NRXN3: variants seen among roughly 807,000 people sequenced by gnomAD.
The protein encoded by NRXN3 is neurexin 3.
In NRXN3, 32 loss-of-function variants were observed where a neutral mutation model predicts 137.6. The ratio of observed to expected loss-of-function variants is 0.23; its 90% confidence interval spans 0.18 to 0.31. The LOEUF (loss-of-function observed/expected upper bound fraction) is 0.31. NRXN3 is among the 10% of genes least tolerant of loss of function. NRXN3 has a pLI of 1.00. For missense variants in NRXN3, 1,574 were observed against 2,062.5 expected (o/e 0.76, Z 4.59); for synonymous variants, 798 against 784.5 (o/e 1.02, Z -0.29).
chr14:79,753,464 G>A (rs751382781), intron 19 of NRXN3, among the ~76,000 whole-genome samples: 7 of 150,208 alleles, frequency 4.7e-5, no homozygotes, highest in South Asian at 2.1e-4. Context: ...GCAAACTATC[G>A]CAAGGACAAA....
intron 6 of NRXN3, among the ~76,000 whole-genome samples, chr14:78,685,810 C>CT (rs76135969): frequency 0.025 from 3,390 of 133,718 alleles, 55 homozygotes; most frequent in Middle Eastern, 0.064. Context: ...GTTTTTCTTT[C>CT]TTTTTTTTTT....
intron 10 of NRXN3, among the ~76,000 whole-genome samples, chr14:78,922,766 A>C (rs1460700646): frequency 2.6e-5 from 4 of 152,158 alleles, no homozygotes; most frequent in Non-Finnish European, 4.4e-5. Flanking sequence ...CTTAATACCT[A>C]GGTGATGGGT....
rs990479889 is a variant in NRXN3, at chr14:79,697,683, G to A, written c.3760G>A (p.Asp1254Asn). The A allele has an allele frequency of 3.1e-6, 5 of 1,612,988 alleles. No individual in the cohort carries two copies. The highest frequency in any genetic ancestry group is 4.2e-6 in the Non-Finnish European group (5 of 1,179,282). ...TQAQIAIGGK[D>N]KGRLFQGQLS... Reference sequence around the variant, plus strand: ...GGCGCAAATAGCCATTGGTGGAAAGGACAAAGGACGCCTCTTCCAAGGCCA... The same window carrying A: ...GGCGCAAATAGCCATTGGTGGAAAGAACAAAGGACGCCTCTTCCAAGGCCA... Residue 1254 changes from aspartate to asparagine, a missense_variant, in exon 19 of 21, where the codon GAC becomes AAC. Coordinates refer to ENST00000335750, the MANE Select transcript of NRXN3 (RefSeq NM_001330195.2).
At chr14:78,723,197 A>T (rs189947017) in intron 8 of NRXN3, among the ~76,000 whole-genome samples, 1 of 152,332 alleles carries the variant, frequency 6.6e-6, no homozygotes, top group African/African-American at 2.4e-5. Context: ...GAGGCAGAAG[A>T]TAAATTGAAT....
chr14:79,335,064 C>T (rs528909068), intron 15 of NRXN3, among the ~76,000 whole-genome samples: 1 of 152,264 alleles, frequency 6.6e-6, no homozygotes, highest in South Asian at 2.1e-4. Flanking sequence ...GACTCCCTTT[C>T]CTGTCCTTCA....
chr14:78,328,412 A>G (rs1482162897), intron 4 of NRXN3, among the ~76,000 whole-genome samples: 2 of 152,192 alleles, frequency 1.3e-5, no homozygotes, highest in Non-Finnish European at 2.9e-5. Context: ...TGCATCAATC[A>G]TCATTAACCA....
chr14:78,849,355 A>G (rs1035361626), intron 10 of NRXN3, among the ~76,000 whole-genome samples: 1 of 152,094 alleles, frequency 6.6e-6, no homozygotes, highest in Non-Finnish European at 1.5e-5. Flanking sequence ...ATATCATTCA[A>G]CTGGTGAGTT....
intron 15 of NRXN3, among the ~76,000 whole-genome samples, chr14:79,369,883 T>C (rs1013252135): frequency 4.6e-5 from 7 of 152,198 alleles, no homozygotes; most frequent in African/African-American, 1.7e-4. Context: ...ATAGTGATAC[T>C]GCATTGCTGA....
chr14:78,820,428 A>T (rs954748982), intron 10 of NRXN3, among the ~76,000 whole-genome samples: 58 of 148,714 alleles, frequency 3.9e-4, no homozygotes, highest in African/African-American at 1.3e-3. Context: ...TTATTTCTAA[A>T]AAAAAAAAAA....
intron 4 of NRXN3, among the ~76,000 whole-genome samples, chr14:78,429,540 G>A (rs2093794845): frequency 6.6e-6 from 1 of 152,162 alleles, no homozygotes; most frequent in Admixed American, 6.5e-5. Context: ...TCCAGAGTAT[G>A]GACTTGAAAG....
chr14:79,080,292 C>T (rs576617416), intron 15 of NRXN3, among the ~76,000 whole-genome samples: 1 of 152,266 alleles, frequency 6.6e-6, no homozygotes, highest in South Asian at 2.1e-4. Context: ...AATTTGATCT[C>T]TTGCCTAATA....
intron 6 of NRXN3, among the ~76,000 whole-genome samples, chr14:78,662,224 G>C (rs2097847594): frequency 6.6e-6 from 1 of 151,644 alleles, no homozygotes; most frequent in African/African-American, 2.4e-5. Context: ...TATCTTTAGA[G>C]CTGAGCTGTA....
intron 16 of NRXN3, among the ~76,000 whole-genome samples, chr14:79,513,607 C>T (rs2096953938): frequency 6.6e-6 from 1 of 152,176 alleles, no homozygotes; most frequent in African/African-American, 2.4e-5. Flanking sequence ...CATTCTGTAG[C>T]TATATGGGCT....
chr14:79,315,578 A>T (rs1375006763), intron 15 of NRXN3, among the ~76,000 whole-genome samples: 1 of 152,242 alleles, frequency 6.6e-6, no homozygotes, highest in Non-Finnish European at 1.5e-5. Context: ...AAGATATCTG[A>T]TCACCAGACA....
chr14:79,264,203 C>A lies in NRXN3; in HGVS notation c.3263-203018C>A, dbSNP rs139955734. 6.9e-3 allele frequency among the ~76,000 whole-genome samples: 1,053 copies of A among 152,250 alleles called. 11 individuals carry two copies. The highest frequency in any genetic ancestry group is 0.024 in the African/African-American group (992 of 41,520). On this transcript the variant is annotated intron_variant, in intron 15 of 20. Transcript: ENST00000335750. ...TCCCAGGTTCAAGCGCTTCTCCCAC[C>A]TCAGCCTCCCAGGTAGCTGGGGTTA...
intron 14 of NRXN3, among the ~76,000 whole-genome samples, chr14:78,979,348 G>A (rs998099212): frequency 1.7e-4 from 26 of 152,034 alleles, no homozygotes; most frequent in Non-Finnish European, 2.8e-4. Context: ...TGCTCAGGTA[G>A]GCAGTAAGAG....
At chr14:79,273,373 G>A (rs1271039540) in intron 15 of NRXN3, among the ~76,000 whole-genome samples, 2 of 151,230 alleles carry the variant, frequency 1.3e-5, no homozygotes, top group Non-Finnish European at 2.9e-5. Context: ...GGTGGCTCAC[G>A]CCTGTAATCC....
chr14:78,694,371 T>G (rs1414041052), intron 6 of NRXN3, among the ~76,000 whole-genome samples: 1 of 151,936 alleles, frequency 6.6e-6, no homozygotes, highest in Non-Finnish European at 1.5e-5. Context: ...AATGACTCTT[T>G]TCTGCTTGTA....
chr14:78,961,544 G>A (rs1365365487), intron 11 of NRXN3, among the ~76,000 whole-genome samples: 1 of 152,200 alleles, frequency 6.6e-6, no homozygotes, highest in Non-Finnish European at 1.5e-5. Flanking sequence ...GGAAGGGAGA[G>A]AAATGAATGC....
Sources: gnomAD v4.1 joint callset for allele counts (sites outside exome capture counted in the v4.1 genomes callset) on GRCh38, gnomAD v4.1.1 for gene constraint, MANE v1.5 for transcripts, NCBI Gene and HGNC (gene_info 2026-07-23, HGNC 2026-07-21) for gene names.